Variants in PDZRN3 observed in about 807,000 individuals in gnomAD.
PDZRN3 encodes E3 ubiquitin-protein ligase PDZRN3.
Under a neutral mutation model 85.7 loss-of-function variants are expected in PDZRN3, and 38 were observed. That is an observed-to-expected ratio of 0.44 (90% CI 0.34 to 0.58). PDZRN3 has a LOEUF of 0.58. PDZRN3 is among the 20% of genes least tolerant of loss of function. PDZRN3 has a pLI of 0.01. For synonymous variants in PDZRN3, 759 were observed against 638.0 expected (o/e 1.19, Z -2.86); for missense variants, 1,629 against 1,506.4 (o/e 1.08, Z -1.35).
At chr3:73,404,107 T>C (rs1399245811) in intron 4 of PDZRN3, 41 bp downstream of exon 4, 1 of 1,568,184 alleles carries the variant, frequency 6.4e-7, no homozygotes, top group East Asian at 2.3e-5. Flanking sequence ...AACTTGGAAA[T>C]ACTTCTTAAT....
intron 3 of PDZRN3, among the ~76,000 whole-genome samples, chr3:73,601,988 C>A (rs1247386789): frequency 1.3e-5 from 2 of 152,148 alleles, no homozygotes; most frequent in Non-Finnish European, 2.9e-5. Context: ...CAATTGTACC[C>A]TGGTAATCAA....
At chr3:73,397,120 G>A (rs1317703463) in intron 5 of PDZRN3, among the ~76,000 whole-genome samples, 2 of 150,580 alleles carry the variant, frequency 1.3e-5, no homozygotes, top group East Asian at 2.0e-4. Flanking sequence ...TGCAACCTCC[G>A]CCTCCTGGGT....
intron 5 of PDZRN3, among the ~76,000 whole-genome samples, chr3:73,395,139 A>G (rs1162539679): frequency 2.6e-5 from 4 of 152,236 alleles, no homozygotes; most frequent in African/African-American, 9.6e-5. Flanking sequence ...CGACAAACTT[A>G]GCCATTCTGT....
At chr3:73,474,130 G>A (rs1200854141) in intron 3 of PDZRN3, among the ~76,000 whole-genome samples, 3 of 152,112 alleles carry the variant, frequency 2.0e-5, no homozygotes, top group Non-Finnish European at 4.4e-5. Context: ...TACACACCTA[G>A]TATCTTCTTT....
At chr3:73,603,281 T>G (rs541007371) in intron 2 of PDZRN3, among the ~76,000 whole-genome samples, 18 of 152,346 alleles carry the variant, frequency 1.2e-4, no homozygotes, top group African/African-American at 3.8e-4. Flanking sequence ...CTTGAATCTC[T>G]TTAGATCTTT....
intron 3 of PDZRN3, among the ~76,000 whole-genome samples, chr3:73,496,183 C>T (rs922688498): frequency 6.6e-6 from 1 of 152,052 alleles, no homozygotes; most frequent in Non-Finnish European, 1.5e-5. Context: ...ATATACAGTA[C>T]AAAGAATAAA....
At chr3:73,531,730 G>T (rs961904044) in intron 3 of PDZRN3, among the ~76,000 whole-genome samples, 3 of 152,200 alleles carry the variant, frequency 2.0e-5, no homozygotes, top group African/African-American at 4.8e-5. Context: ...GCTACACACA[G>T]AAAATACACA....
chr3:73,590,166 G>GA (rs937484140), intron 3 of PDZRN3, among the ~76,000 whole-genome samples: 1 of 150,140 alleles, frequency 6.7e-6, no homozygotes. Flanking sequence ...CTACTTGGGG[G>GA]GCTGAGGCAC....
chr3:73,617,003 G>A (rs541556812), intron 1 of PDZRN3, among the ~76,000 whole-genome samples: 12 of 152,214 alleles, frequency 7.9e-5, no homozygotes, highest in African/African-American at 2.6e-4. Flanking sequence ...TGGACCCAAC[G>A]CCTGCATCTA....
chr3:73,436,320 C>A (rs976525870), intron 3 of PDZRN3, among the ~76,000 whole-genome samples: 1 of 152,204 alleles, frequency 6.6e-6, no homozygotes, highest in Admixed American at 6.5e-5. Context: ...CGTGAAGGTG[C>A]TCAGGAAAAC....
intron 3 of PDZRN3, among the ~76,000 whole-genome samples, chr3:73,592,767 T>G (rs1192215970): frequency 4.6e-5 from 7 of 152,128 alleles, no homozygotes; most frequent in African/African-American, 1.7e-4. Context: ...GAGTTCCCAG[T>G]GAAAGTGGCA....
chr3:73,489,938 A>C (rs1472323806), intron 3 of PDZRN3, among the ~76,000 whole-genome samples: 1 of 152,138 alleles, frequency 6.6e-6, no homozygotes, highest in Non-Finnish European at 1.5e-5. Context: ...CAGGCATCTA[A>C]ACCCACAAAT....
At chr3:73,470,250 G>A (rs777863800) in intron 3 of PDZRN3, among the ~76,000 whole-genome samples, 15 of 152,068 alleles carry the variant, frequency 9.9e-5, no homozygotes, top group South Asian at 2.1e-4. Flanking sequence ...ATTTTTAATC[G>A]TGTCCCTCAA....
In PDZRN3 at chr3:73,460,835, C is replaced by T. The variant is rs1305404668; in HGVS notation, c.919-56440G>A. Among the ~76,000 whole-genome samples the T allele has an allele frequency of 2.0e-5, 3 of 151,714 alleles. No individual in the cohort carries two copies. In the East Asian group the frequency reaches 5.8e-4, roughly 29 times the overall value. The stretch of plus-strand genomic sequence containing the variant: ...TGAGATGGGAGTCTCGTTCTGTTGC[C>T]CAGGCTGTAGTGCAGTGGCACAATC... On this transcript the variant is annotated intron_variant, in intron 3 of 9. Transcript: ENST00000263666.
intron 3 of PDZRN3, among the ~76,000 whole-genome samples, chr3:73,458,715 G>C (rs1449210493): frequency 6.6e-6 from 1 of 151,692 alleles, no homozygotes; most frequent in Non-Finnish European, 1.5e-5. Context: ...GTTTGGGCTG[G>C]GTGCGGTGGC....
At chr3:73,570,622 C>T (rs1268472961) in intron 3 of PDZRN3, among the ~76,000 whole-genome samples, 1 of 152,148 alleles carries the variant, frequency 6.6e-6, no homozygotes, top group Non-Finnish European at 1.5e-5. Context: ...TGACCGGCTG[C>T]CTAGATTCAG....
intron 3 of PDZRN3, among the ~76,000 whole-genome samples, chr3:73,452,548 A>C (rs908826177): frequency 1.5e-4 from 23 of 152,204 alleles, no homozygotes; most frequent in African/African-American, 5.3e-4. Flanking sequence ...AGGGAACAAG[A>C]TGTATGGCCA....
chr3:73,544,554 A>G (rs1270093502), intron 3 of PDZRN3, among the ~76,000 whole-genome samples: 3 of 152,094 alleles, frequency 2.0e-5, no homozygotes, highest in Non-Finnish European at 2.9e-5. Flanking sequence ...CCGTCACTTC[A>G]TATGCTTTTT....
intron 3 of PDZRN3, among the ~76,000 whole-genome samples, chr3:73,434,572 A>G (rs1702496049): frequency 6.6e-6 from 1 of 152,226 alleles, no homozygotes. Flanking sequence ...CCAAAAGCAG[A>G]AAGTTATTTG....
Sources: allele counts gnomAD v4.1 joint callset (sites outside exome capture counted in the v4.1 genomes callset), GRCh38; gene constraint gnomAD v4.1.1; transcripts MANE v1.5; gene names NCBI Gene and HGNC (gene_info 2026-07-23, HGNC 2026-07-21).